Variants in BRMS1L observed in about 807,000 individuals in gnomAD.
The protein encoded by BRMS1L is breast cancer metastasis-suppressor 1-like protein.
BRMS1L carries 23 observed loss-of-function variants against 50.3 expected under a neutral mutation model. The observed-to-expected ratio is 0.46, with a 90% CI of 0.33 to 0.65. The LOEUF (loss-of-function observed/expected upper bound fraction) is 0.65. Ranked by LOEUF, BRMS1L falls within the 30% of genes least tolerant of loss-of-function variation. The probability of loss-of-function intolerance (pLI) is 0.02; values close to 1 mark genes in which losing one functional copy is unlikely to be tolerated. For synonymous variants in BRMS1L, 114 were observed against 126.9 expected (o/e 0.90, Z 0.69); for missense variants, 286 against 386.1 (o/e 0.74, Z 2.17).
chr14:35,846,712 C>A (rs1225431265), intron 4 of BRMS1L, among the ~76,000 whole-genome samples: 1 of 152,134 alleles, frequency 6.6e-6, no homozygotes, highest in Non-Finnish European at 1.5e-5. Context: ...TTGGTGATAT[C>A]CACTTTGATC....
At chr14:35,853,426 T>G (rs1033652033) in intron 4 of BRMS1L, among the ~76,000 whole-genome samples, 2 of 152,104 alleles carry the variant, frequency 1.3e-5, no homozygotes, top group African/African-American at 4.8e-5. Flanking sequence ...ATGATAATGA[T>G]GATTTTTTGA....
rs568876456 is a variant in BRMS1L at position 35,828,706 on chromosome 14, T to C, written c.142+2048T>C. On this transcript the variant is annotated intron_variant, in intron 1 of 9. Transcript: ENST00000216807. ...CCTGACCTCAGGTGATCTGCCTGCC[T>C]CGGCCTCCCCAAGTGTTAGGATTAT... Among the ~76,000 whole-genome samples, 6 of 152,244 alleles carry C rather than the reference T, an allele frequency of 3.9e-5. No homozygotes were observed. In the South Asian group the frequency reaches 1.2e-3, roughly 32 times the overall value.
intron 4 of BRMS1L, among the ~76,000 whole-genome samples, chr14:35,843,958 C>T (rs2078098681): frequency 6.6e-6 from 1 of 152,194 alleles, no homozygotes; most frequent in Admixed American, 6.5e-5. Flanking sequence ...TGCCCAGTTG[C>T]AACTTCCTGG....
intron 7 of BRMS1L, 57 bp from the exon 8 acceptor site, chr14:35,865,665 T>G: frequency 1.5e-6 from 2 of 1,326,326 alleles, no homozygotes; most frequent in Non-Finnish European, 1.0e-6. Context: ...TACCAAAATA[T>G]ATTTTCAGTC....
intron 2 of BRMS1L, 100 bp from the exon 3 acceptor site, chr14:35,832,878 G>T (rs185682133): frequency 2.5e-4 from 258 of 1,044,538 alleles, no homozygotes; most frequent in Admixed American, 4.2e-4. Flanking sequence ...TAGATTATTA[G>T]AATATAAATG....
At chr14:35,864,771 T>C (rs775133937) in intron 6 of BRMS1L, among the ~76,000 whole-genome samples, 164 bp from the exon 7 acceptor site, 13 of 152,180 alleles carry the variant, frequency 8.5e-5, no homozygotes, top group East Asian at 1.9e-4. Context: ...CTAGACTGTA[T>C]TTATGCTGGT....
intron 4 of BRMS1L, among the ~76,000 whole-genome samples, chr14:35,847,799 A>G (rs1159494357): frequency 1.3e-5 from 2 of 152,250 alleles, no homozygotes; most frequent in Non-Finnish European, 2.9e-5. Context: ...TACCTCACAC[A>G]AGTGGTATCA....
rs1440699607 is a variant in BRMS1L, at chr14:35,869,675, G to A, written c.855-685G>A. Among the ~76,000 whole-genome samples, 23 of 151,920 alleles carry A rather than the reference G, an allele frequency of 1.5e-4. No individual in the cohort carries two copies. In the South Asian group the frequency reaches 2.3e-3, roughly 15 times the overall value. ...AGCCTGGCCAATATTGTGAAACCCC[G>A]TCTCTAGTAAAAATACAAAAATTAG... On this transcript the variant is annotated intron_variant, in intron 9 of 9. Transcript: ENST00000216807.
At chr14:35,862,935 T>C (rs763887998) in intron 5 of BRMS1L, among the ~76,000 whole-genome samples, 10 of 152,172 alleles carry the variant, frequency 6.6e-5, no homozygotes, top group Non-Finnish European at 8.8e-5. Context: ...AGGAACCTAC[T>C]GGCAGAATAG....
intron 9 of BRMS1L, 23 bp from the exon 10 acceptor site, chr14:35,870,337 C>T (rs748093327): frequency 7.4e-7 from 1 of 1,360,250 alleles, no homozygotes; most frequent in Non-Finnish European, 1.0e-6. Flanking sequence ...TTCATTCATT[C>T]ATTCTTTTTT....
Position 35,846,856 on chromosome 14 carries a change from A to G in BRMS1L, c.441+11933A>G, listed in dbSNP as rs561771145. On this transcript the variant is annotated intron_variant, in intron 4 of 9. Coordinates refer to ENST00000216807, the MANE Select transcript of BRMS1L (RefSeq NM_032352.4). ...CTCATAACACATTCAATTAATTTAT[A>G]TAAATATGGACTCCTTTTTTAAACT... 3.3e-5 allele frequency among the ~76,000 whole-genome samples: 5 copies of G among 152,338 alleles called. No homozygotes were observed. In the East Asian group the frequency reaches 9.6e-4, roughly 29 times the overall value.
At chr14:35,841,041 G>A (rs538535946) in intron 4 of BRMS1L, among the ~76,000 whole-genome samples, 2 of 152,186 alleles carry the variant, frequency 1.3e-5, no homozygotes, top group East Asian at 1.9e-4. Context: ...AGAGATTCTG[G>A]TATGTTGTGT....
intron 4 of BRMS1L, among the ~76,000 whole-genome samples, chr14:35,859,946 T>C (rs2078328450): frequency 6.6e-6 from 1 of 152,152 alleles, no homozygotes; most frequent in African/African-American, 2.4e-5. Context: ...CCATTGTGCC[T>C]GACCAGATGA....
At chr14:35,843,659 G>T (rs150580344) in intron 4 of BRMS1L, among the ~76,000 whole-genome samples, 1 of 152,274 alleles carries the variant, frequency 6.6e-6, no homozygotes, top group Non-Finnish European at 1.5e-5. Flanking sequence ...AGGCACAGGG[G>T]TCAGGGACCC....
At chr14:35,832,654 A>G (rs375806178) in intron 2 of BRMS1L, among the ~76,000 whole-genome samples, 15 of 152,364 alleles carry the variant, frequency 9.8e-5, no homozygotes, top group African/African-American at 3.4e-4. Context: ...CAGTGTTTAA[A>G]TGACCTTTTC....
intron 4 of BRMS1L, among the ~76,000 whole-genome samples, chr14:35,842,000 T>C (rs924303240): frequency 9.3e-4 from 109 of 117,040 alleles, no homozygotes; most frequent in Non-Finnish European, 1.4e-3. Flanking sequence ...AATCTCTGCT[T>C]TTTTTTTTTT....
chr14:35,850,350 G>A (rs1417442273), intron 4 of BRMS1L, among the ~76,000 whole-genome samples: 2 of 151,908 alleles, frequency 1.3e-5, no homozygotes, highest in Non-Finnish European at 1.5e-5. Context: ...TGGGATTACA[G>A]GCATGCACCA....
intron 4 of BRMS1L, among the ~76,000 whole-genome samples, chr14:35,856,883 A>G (rs1352015749): frequency 6.6e-6 from 1 of 151,888 alleles, no homozygotes. Context: ...CCTATTTTTT[A>G]AAAAACTAGC....
chr14:35,863,851 A>G lies in BRMS1L; in HGVS notation c.539-19A>G. ...TTCACCAGAAACCCACTAATACTTA[A>G]TCTTTATTTACCTGCCAGAGCTGTG... On this transcript the variant is annotated intron_variant, in intron 5 of 9. Coordinates refer to ENST00000216807, the MANE Select transcript of BRMS1L (RefSeq NM_032352.4). 1.2e-6 allele frequency: 2 copies of G among 1,607,650 alleles called. No individual in the cohort carries two copies. Among genetic ancestry groups the G allele is most frequent in the Non-Finnish European group, 1.7e-6 (2 of 1,176,854 alleles).
Sources: allele counts gnomAD v4.1 joint callset (sites outside exome capture counted in the v4.1 genomes callset), GRCh38; gene constraint gnomAD v4.1.1; transcripts MANE v1.5; gene names NCBI Gene and HGNC (gene_info 2026-07-23, HGNC 2026-07-21).